MYOF: variants seen among roughly 807,000 people sequenced by gnomAD.
The protein encoded by MYOF is fer-1-like 3, myoferlin.
In MYOF, 244 loss-of-function variants were observed where a neutral mutation model predicts 284.2. The ratio of observed to expected loss-of-function variants is 0.86; its 90% CI spans 0.77 to 0.95. The LOEUF (loss-of-function observed/expected upper bound fraction) is 0.95. Among genes scored for constraint, MYOF ranks in the 40% least tolerant of loss-of-function variants. The probability of loss-of-function intolerance (pLI) is 0.00; values close to 1 mark genes in which losing one functional copy is unlikely to be tolerated. For synonymous variants in MYOF, 904 were observed against 919.7 expected, an observed-to-expected ratio of 0.98 and a Z score of 0.31; for missense variants, 2,496 against 2,560.6, an observed-to-expected ratio of 0.97 and a Z score of 0.54.
Position 93,431,480 on chromosome 10 carries a change from C to T in MYOF, c.273G>A (p.Leu91=). 6.2e-7 allele frequency: 1 copy of T among 1,614,008 alleles called. No individual in the cohort carries two copies. Residue 91 remains leucine, a synonymous_variant, in exon 4 of 54, where the codon CTG becomes CTA. Transcript: ENST00000359263. ...IGTATVALKD[L]TGDQSRSLPY... is the part of the protein sequence containing the mutation. ...GCAGGGATCTGCTCTGGTCACCAGTCAGGTCCTTCAGGGCTACAGTCGCCG... is the reference window on the plus strand; with the variant it reads ...GCAGGGATCTGCTCTGGTCACCAGTTAGGTCCTTCAGGGCTACAGTCGCCG...
chr10:93,398,414 T>C (rs529843964), intron 13 of MYOF, among the ~76,000 whole-genome samples: 3 of 152,346 alleles, frequency 2.0e-5, no homozygotes, highest in Non-Finnish European at 4.4e-5. Flanking sequence ...AATTATTCAG[T>C]TTCTTGTTTG....
chr10:93,311,621 A>G (rs909583358), intron 51 of MYOF, among the ~76,000 whole-genome samples: 5 of 149,594 alleles, frequency 3.3e-5, no homozygotes, highest in Non-Finnish European at 7.4e-5. Flanking sequence ...AAACCTGCCC[A>G]CTTTTATAGT....
At chr10:93,461,093 TAAGAA>T (rs3980372) in intron 1 of MYOF, among the ~76,000 whole-genome samples, 129,751 of 151,580 alleles carry the variant, frequency 0.86, 56,203 homozygotes, top group Non-Finnish European at 0.92. Context: ...AAACTCCATC[TAAGAA>T]AAGAAAAGAA....
chr10:93,312,941 T>G, intron 51 of MYOF, 79 bp downstream of exon 51: 2 of 1,368,852 alleles, frequency 1.5e-6, no homozygotes, highest in East Asian at 2.4e-5. Context: ...TTATCTGGAG[T>G]AAGTCTATGG....
In MYOF at chr10:93,373,075, C is replaced by A. The variant is rs1845665235; in HGVS notation, c.2312G>T (p.Ser771Ile). ...LMQLTEEPQN[S>I]MPDIIIWMIR... ...CATCCAGATGATGATGTCAGGCATG[C>A]TGTTCTGTGGCTGGTCATGAGGATT... Residue 771 changes from serine to isoleucine, a missense_variant, in exon 24 of 54, where the codon AGC becomes ATC. Transcript: ENST00000359263. 6.2e-7 allele frequency: 1 copy of A among 1,614,182 alleles called. No homozygotes were observed.
At position 93,351,984 on chromosome 10, in the gene MYOF, G is replaced by A; in HGVS notation, c.3482-138C>T. On this transcript the variant is annotated intron_variant, in intron 32 of 53. Coordinates refer to ENST00000359263, the MANE Select transcript of MYOF (RefSeq NM_013451.4). Reference sequence around the variant, plus strand: ...CACCTGCCTGGAGATAGGGTTTCTAGGGAGCAGGGAGTTCCCCATGGAAGG... The same window carrying A: ...CACCTGCCTGGAGATAGGGTTTCTAAGGAGCAGGGAGTTCCCCATGGAAGG... The A allele has an allele frequency of 5.2e-6, 4 of 767,156 alleles. No homozygotes were observed. In the East Asian group the frequency reaches 1.2e-4, roughly 22 times the overall value. 47.5% of individuals were successfully genotyped at this position (767,156 alleles called of 1,614,324 possible).
At chr10:93,453,457 C>A (rs1257188134) in intron 2 of MYOF, among the ~76,000 whole-genome samples, 1 of 152,162 alleles carries the variant, frequency 6.6e-6, no homozygotes, top group Non-Finnish European at 1.5e-5. Flanking sequence ...AGCCACCGCA[C>A]CTGGACAATT....
chr10:93,342,040 A>G, intron 38 of MYOF: 1 of 1,072,458 alleles, frequency 9.3e-7, no homozygotes, highest in Non-Finnish European at 1.3e-6. Context: ...CACTTGACCA[A>G]TTTTCCCCGA....
At chr10:93,354,666 A>ACACTCTCTCTCT (rs1554844078) in intron 31 of MYOF, among the ~76,000 whole-genome samples, 2 of 119,236 alleles carry the variant, frequency 1.7e-5, no homozygotes, top group South Asian at 2.8e-4. Flanking sequence ...TCACACATTC[A>ACACTCTCTCTCT]CTCTCTCTCT....
At chr10:93,396,035 T>C in intron 16 of MYOF, 107 bp downstream of exon 16, 1 of 764,412 alleles carries the variant, frequency 1.3e-6, no homozygotes, top group Non-Finnish European at 2.1e-6. Context: ...ACATTTGGCT[T>C]CTAAGAAACC....
chr10:93,360,406 A>G (rs1845014209), intron 28 of MYOF, among the ~76,000 whole-genome samples: 1 of 152,204 alleles, frequency 6.6e-6, no homozygotes, highest in Admixed American at 6.5e-5. Flanking sequence ...CAATTTCCCC[A>G]CTGTAAAGTG....
intron 3 of MYOF, among the ~76,000 whole-genome samples, chr10:93,448,688 AC>A (rs1466579718): frequency 6.6e-6 from 1 of 152,154 alleles, no homozygotes; most frequent in Non-Finnish European, 1.5e-5. Context: ...AGATCTGAGG[AC>A]AGACTGGATA....
At chr10:93,317,933 G>C (rs1842687166) in intron 49 of MYOF, among the ~76,000 whole-genome samples, 1 of 152,180 alleles carries the variant, frequency 6.6e-6, no homozygotes, top group Non-Finnish European at 1.5e-5. Context: ...CAGAAAGCCT[G>C]GCTCTGAGGG....
chr10:93,445,700 A>T (rs2056410229), intron 3 of MYOF, among the ~76,000 whole-genome samples: 1 of 152,222 alleles, frequency 6.6e-6, no homozygotes, highest in African/African-American at 2.4e-5. Flanking sequence ...GGGTGTGGGC[A>T]TGGAGCCCAG....
chr10:93,328,284 G>A (rs150873570), intron 45 of MYOF, among the ~76,000 whole-genome samples: 112 of 152,228 alleles, frequency 7.4e-4, no homozygotes, highest in African/African-American at 2.3e-3. Flanking sequence ...CTGTTGATGC[G>A]TCAGGACAGG....
chr10:93,415,232 T>TC (rs2134149157), intron 5 of MYOF, among the ~76,000 whole-genome samples: 1 of 152,120 alleles, frequency 6.6e-6, no homozygotes, highest in South Asian at 2.1e-4. Context: ...TCGATCCCTT[T>TC]CCCCCTCTCA....
chr10:93,399,408 G>A lies in MYOF; in HGVS notation c.1205C>T (p.Ser402Phe), dbSNP rs750361835. 5 of 1,611,924 alleles carry A rather than the reference G, an allele frequency of 3.1e-6. No individual in the cohort carries two copies. The South Asian group carries it at 4.4e-5, about 14-fold the overall frequency. ...TGTACAAACCTTTTTTCCAGCAAAG[G>A]AAACTTCTACAAAAGGATCCACGAG... is the stretch of plus-strand genomic sequence containing the variant. The part of the protein sequence containing the change: ...KNLVDPFVEV[S>F]FAGKKVCTNI... Residue 402 changes from serine (S) to phenylalanine (F), a missense_variant, in exon 13 of 54, where the codon TCC (serine) becomes TTC (phenylalanine). Transcript: ENST00000359263.
At position 93,426,172 on chromosome 10, in the gene MYOF, A is replaced by C; in HGVS notation, c.346-14T>G. The C allele has an allele frequency of 6.4e-7, 1 of 1,552,630 alleles. No individual in the cohort carries two copies. The highest frequency in any genetic ancestry group is 1.4e-5 in the African/African-American group (1 of 73,274). ...GTCAATGGTGGCCTGGGTAGAAATA[A>C]TTCGTTGCAAATATTATCAGTGCAG... is the stretch of plus-strand genomic sequence containing the variant. On this transcript the variant is annotated splice_polypyrimidine_tract_variant and intron_variant, in intron 4 of 53. Transcript: ENST00000359263.
intron 19 of MYOF, among the ~76,000 whole-genome samples, 182 bp downstream of exon 19, chr10:93,387,615 G>A (rs1480698496): frequency 6.6e-6 from 1 of 152,150 alleles, no homozygotes; most frequent in African/African-American, 2.4e-5. Context: ...CAGTGTTCTT[G>A]CCAGTTTTCA....
Sources: gnomAD v4.1 joint callset for allele counts (sites outside exome capture counted in the v4.1 genomes callset) on GRCh38, gnomAD v4.1.1 for gene constraint, MANE v1.5 for transcripts, NCBI Gene and HGNC (gene_info 2026-07-23, HGNC 2026-07-21) for gene names.